The following CPZ variants were observed in gnomAD, a reference collection of about 807,000 sequenced individuals.
The protein encoded by CPZ is carboxypeptidase Z.
A neutral mutation model predicts 61.8 loss-of-function variants in CPZ; 103 were observed. The ratio of observed to expected loss-of-function variants is 1.67; its 90% confidence interval spans 1.42 to 1.96. The LOEUF is 1.96. Among genes scored for constraint, CPZ ranks in the 30% most tolerant of loss-of-function variants. The pLI is 0.00. For missense variants in CPZ, 1,461 were observed against 914.9 expected (o/e 1.60, Z -7.70); for synonymous variants, 551 against 373.7 (o/e 1.47, Z -5.47).
intron 4 of CPZ, among the ~76,000 whole-genome samples, chr4:8,605,253 C>T (rs1714851301): frequency 1.3e-5 from 2 of 151,968 alleles, no homozygotes; most frequent in Non-Finnish European, 2.9e-5. Context: ...GAGTGACTTG[C>T]CTGCAGTCAC....
chr4:8,595,220 C>G (rs1714086159), intron 1 of CPZ, among the ~76,000 whole-genome samples: 1 of 152,226 alleles, frequency 6.6e-6, no homozygotes, highest in South Asian at 2.1e-4. Context: ...TTTGATCTTG[C>G]CACATGTGAA....
chr4:8,618,491 G>T lies in CPZ; in HGVS notation c.1566G>T (p.Arg522=), dbSNP rs116114355. The change falls in exon 10 of 11, where the codon CGG becomes CGT. Residue 522 remains arginine (R), a synonymous_variant. Transcript: ENST00000360986. ...DKFGKPVKNA[R]ISVKGIRHDI... ...TCGGCAAGCCAGTCAAAAACGCCCG[G>T]ATCTCAGTCAAAGGCATTCGCCACG... 7.4e-4 allele frequency: 1,192 copies of T among 1,614,128 alleles called. 8 individuals carry two copies. In the African/African-American group the frequency reaches 0.014, roughly 19 times the overall value.
chr4:8,618,347 G>T, intron 9 of CPZ, 82 bp from the exon 10 acceptor site: 1 of 1,330,886 alleles, frequency 7.5e-7, no homozygotes, highest in Non-Finnish European at 1.1e-6. Context: ...GCTCTGAGGA[G>T]CATGTGGGGA....
rs528272125 is a variant in CPZ, at chr4:8,605,935, T to C, written c.710-54T>C. ...TTGCTGAGTGGGGGGGCCTCATGCC[T>C]TTGGGGACCCCCGGCTTTGAGATGA... On this transcript the variant is annotated intron_variant, in intron 4 of 10. Transcript: ENST00000360986. The C allele has an allele frequency of 3.9e-5, 61 of 1,571,234 alleles. No homozygotes were observed. The African/African-American group carries it at 6.7e-4, about 17-fold the overall frequency.
chr4:8,609,513 G>A (rs1444446073), intron 7 of CPZ, among the ~76,000 whole-genome samples: 2 of 152,264 alleles, frequency 1.3e-5, no homozygotes, highest in Non-Finnish European at 2.9e-5. Flanking sequence ...CTCTGCAAGT[G>A]CCCGCAGAGG....
intron 3 of CPZ, 147 bp downstream of exon 3, chr4:8,601,644 G>T: frequency 1.1e-6 from 1 of 885,844 alleles, no homozygotes; most frequent in South Asian, 2.5e-5. Flanking sequence ...CCCCGAGGCA[G>T]CATGTTCCCC....
chr4:8,599,266 C>T (rs1050948649), intron 1 of CPZ, among the ~76,000 whole-genome samples, 187 bp from the exon 2 acceptor site: 1 of 152,238 alleles, frequency 6.6e-6, no homozygotes, highest in Non-Finnish European at 1.5e-5. Flanking sequence ...ACGCAGCTTT[C>T]ATGCCTGGGA....
intron 7 of CPZ, among the ~76,000 whole-genome samples, chr4:8,610,375 A>C (rs1715551287): frequency 6.6e-6 from 1 of 152,062 alleles, no homozygotes; most frequent in Admixed American, 6.5e-5. Flanking sequence ...GTCGGCAGCC[A>C]CCTTCCATGC....
At chr4:8,611,987 AG>A in intron 7 of CPZ, 39 bp from the exon 8 acceptor site, 1 of 1,613,076 alleles carries the variant, frequency 6.2e-7, no homozygotes, top group Non-Finnish European at 8.5e-7. Context: ...GACGTCCTGC[AG>A]GGGACCCTTT....
intron 1 of CPZ, among the ~76,000 whole-genome samples, chr4:8,598,969 G>GGGGCCT (rs1193826013): frequency 6.6e-6 from 1 of 152,264 alleles, no homozygotes; most frequent in African/African-American, 2.4e-5. Flanking sequence ...GACTCTGGGA[G>GGGGCCT]GGGCCTGGGT....
At chr4:8,611,108 T>G (rs1715637473) in intron 7 of CPZ, 7 of 417,960 alleles carry the variant, frequency 1.7e-5, no homozygotes, top group South Asian at 1.1e-4. Context: ...ACTCACTCAC[T>G]CACTGGGCCC....
At chr4:8,616,851 C>G (rs987602083) in intron 9 of CPZ, among the ~76,000 whole-genome samples, 8 of 152,188 alleles carry the variant, frequency 5.3e-5, no homozygotes, top group Non-Finnish European at 1.2e-4. Context: ...GAAGTGTGGA[C>G]AAGAGCATCC....
At chr4:8,606,237 C>A in intron 5 of CPZ, 52 bp downstream of exon 5, 1 of 1,519,848 alleles carries the variant, frequency 6.6e-7, no homozygotes, top group South Asian at 1.2e-5. Context: ...ACCACCCCCT[C>A]ATTCATCCAT....
chr4:8,613,534 A>T (rs1281824630), intron 8 of CPZ, among the ~76,000 whole-genome samples: 1 of 152,208 alleles, frequency 6.6e-6, no homozygotes, highest in Non-Finnish European at 1.5e-5. Context: ...GGGTCTGGGC[A>T]GGGACTGTCA....
At chr4:8,612,221 G>GGGGGGGGGGGGGGGGGGGGGGC in intron 8 of CPZ, 59 bp downstream of exon 8, 2 of 206,194 alleles carry the variant, frequency 9.7e-6, no homozygotes, top group East Asian at 1.6e-4. Context: ...GCTGGGTGGG[G>GGGGGGGGGGGGGGGGGGGGGGC]CAGGGGCAAG....
At chr4:8,600,540 A>C (rs1714497745) in intron 2 of CPZ, among the ~76,000 whole-genome samples, 1 of 152,182 alleles carries the variant, frequency 6.6e-6, no homozygotes, top group African/African-American at 2.4e-5. Flanking sequence ...CTAAACAAAC[A>C]GCTGTGATGA....
In CPZ at chr4:8,619,306, A is replaced by G; in HGVS notation, c.1648A>G (p.Ile550Val). ...YWRLLPPGIH[I>V]VIAQAPGYAK... ...GAGACTGCTGCCCCCAGGTATCCACATTGTCATTGCCCAAGCCCCTGGCTA... is the reference window on the plus strand; with the variant it reads ...GAGACTGCTGCCCCCAGGTATCCACGTTGTCATTGCCCAAGCCCCTGGCTA... Residue 550 changes from isoleucine to valine, a missense_variant, in exon 11 of 11, where the codon ATT becomes GTT. Ile to Val is a conservative substitution (Grantham distance 29). Coordinates refer to ENST00000360986, the MANE Select transcript of CPZ (RefSeq NM_001014447.3). 1 of 1,613,880 alleles carries G rather than the reference A, an allele frequency of 6.2e-7. No homozygotes were observed. Among genetic ancestry groups the G allele is most frequent in the East Asian group, 2.2e-5 (1 of 44,864 alleles).
rs775591108 is a variant in CPZ at position 8,619,377 on chromosome 4, G to T, written c.1719G>T (p.Arg573Ser). 3 of 1,614,082 alleles carry T rather than the reference G, an allele frequency of 1.9e-6. No homozygotes were observed. Among genetic ancestry groups the T allele is most frequent in the Non-Finnish European group, 2.5e-6 (3 of 1,180,038 alleles). The change falls in exon 11 of 11, where the codon AGG (arginine) becomes AGT (serine). Residue 573 changes from arginine to serine, a missense_variant. Coordinates refer to ENST00000360986, the MANE Select transcript of CPZ (RefSeq NM_001014447.3). ...TCATCATCCCCGCCCGGATGAAGAG[G>T]GCTGGCCGTGTGGACTTCATTCTGC... ...KKVIIPARMK[R>S]AGRVDFILQP...
At chr4:8,611,806 G>T (rs1019051388) in intron 7 of CPZ, among the ~76,000 whole-genome samples, 4 of 151,890 alleles carry the variant, frequency 2.6e-5, no homozygotes, top group African/African-American at 9.7e-5. Context: ...ACCTGGCCCC[G>T]AACTCCAGCA....
Sources: gnomAD v4.1 joint callset for allele counts (sites outside exome capture counted in the v4.1 genomes callset) on GRCh38, gnomAD v4.1.1 for gene constraint, MANE v1.5 for transcripts, NCBI Gene and HGNC (gene_info 2026-07-23, HGNC 2026-07-21) for gene names.